The following DLGAP1 variants were observed in gnomAD, a reference collection of about 807,000 sequenced individuals.
The protein encoded by DLGAP1 is DLG associated protein 1, also known as disks large-associated protein 1.
Under a neutral mutation model 90.8 loss-of-function variants are expected in DLGAP1, and 11 were observed. The ratio of observed to expected loss-of-function variants is 0.12; its 90% confidence interval spans 0.08 to 0.20. The LOEUF (loss-of-function observed/expected upper bound fraction) is 0.20. Ranked by LOEUF, DLGAP1 falls within the 10% of genes least tolerant of loss-of-function variation. The pLI is 1.00. For synonymous variants in DLGAP1, 558 were observed against 540.7 expected (o/e 1.03, Z -0.44); for missense variants, 1,050 against 1,333.8 (o/e 0.79, Z 3.31).
intron 1 of DLGAP1, among the ~76,000 whole-genome samples, chr18:4,367,998 TAAGG>T (rs905831650): frequency 2.4e-4 from 37 of 152,276 alleles, no homozygotes; most frequent in African/African-American, 8.7e-4. Flanking sequence ...TTCATTTGTA[TAAGG>T]AAGCATAAAC....
intron 3 of DLGAP1, among the ~76,000 whole-genome samples, chr18:3,911,794 G>A (rs1393202804): frequency 2.0e-5 from 3 of 152,226 alleles, no homozygotes; most frequent in Non-Finnish European, 4.4e-5. Flanking sequence ...CAGCTGGGCT[G>A]CCAAAGATGT....
intron 4 of DLGAP1, among the ~76,000 whole-genome samples, chr18:3,860,101 A>T (rs866040941): frequency 1.4e-5 from 2 of 144,292 alleles, no homozygotes; most frequent in Non-Finnish European, 1.5e-5. Context: ...TCTGTCTCAA[A>T]AAATAAATAA....
chr18:3,956,474 C>G (rs945450374), intron 3 of DLGAP1, among the ~76,000 whole-genome samples: 10 of 152,012 alleles, frequency 6.6e-5, no homozygotes, highest in Middle Eastern at 3.4e-3. Flanking sequence ...TCAGCCTCCC[C>G]AGTAGCTGGG....
chr18:4,085,473 C>A (rs1360349259), intron 2 of DLGAP1, among the ~76,000 whole-genome samples: 1 of 152,194 alleles, frequency 6.6e-6, no homozygotes. Context: ...GAGAAACTTT[C>A]TTTACATTTT....
chr18:3,885,357 A>T (rs924444445), intron 3 of DLGAP1: 6 of 152,226 alleles, frequency 3.9e-5, no homozygotes, highest in African/African-American at 9.7e-5. Flanking sequence ...GCCTACAGTG[A>T]ATCCCTAGTG....
At chr18:3,529,199 CA>C (rs1163631868) in intron 10 of DLGAP1, among the ~76,000 whole-genome samples, 1 of 152,182 alleles carries the variant, frequency 6.6e-6, no homozygotes, top group African/African-American at 2.4e-5. Context: ...GAGTTGGTCA[CA>C]GGGGCAGAGT....
chr18:3,582,037 G>A lies in DLGAP1; in HGVS notation c.1803C>T (p.Ala601=), dbSNP rs562701344. 25 of 1,613,564 alleles carry A rather than the reference G, an allele frequency of 1.5e-5. No homozygotes were observed. Among genetic ancestry groups the A allele is most frequent in the Admixed American group, 1.0e-4 (6 of 59,908 alleles). Residue 601 remains alanine (A), a synonymous_variant, in exon 8 of 13, where the codon GCC becomes GCT. Coordinates refer to ENST00000315677, the MANE Select transcript of DLGAP1 (RefSeq NM_004746.4). The part of the protein sequence containing the change: ...ESLDSMKALT[A]AIEAANAQIH... The stretch of plus-strand genomic sequence containing the variant: ...TCTGGGCGTTTGCAGCTTCGATGGC[G>A]GCTGTCAGAGCCTTCATACTGTCCA...
rs113364003 is a variant in DLGAP1 at position 4,181,972 on chromosome 18, G to T, written c.-266-30685C>A. On this transcript the variant is annotated intron_variant, in intron 1 of 12. Transcript: ENST00000315677. ...GCACTCAATTAAAGAGAAGATGATA[G>T]CGATTTGCAGATCCCCCTGCTCCAG... Among the ~76,000 whole-genome samples, 507 of 152,208 alleles carry T rather than the reference G, an allele frequency of 3.3e-3. 2 individuals are homozygous for T. Among genetic ancestry groups the T allele is most frequent in the African/African-American group, 0.012 (491 of 41,538 alleles).
intron 2 of DLGAP1, among the ~76,000 whole-genome samples, chr18:4,057,531 T>A (rs2075239626): frequency 6.6e-6 from 1 of 152,164 alleles, no homozygotes; most frequent in Non-Finnish European, 1.5e-5. Flanking sequence ...TGTATAAGAC[T>A]CCAAGTCAAA....
chr18:3,919,524 A>G (rs1411783789), intron 3 of DLGAP1, among the ~76,000 whole-genome samples: 1 of 152,208 alleles, frequency 6.6e-6, no homozygotes, highest in Non-Finnish European at 1.5e-5. Context: ...CCATAGTACT[A>G]CTTTAACAAG....
intron 3 of DLGAP1, among the ~76,000 whole-genome samples, chr18:3,973,563 TC>T (rs2073501333): frequency 6.6e-6 from 1 of 152,190 alleles, no homozygotes; most frequent in Non-Finnish European, 1.5e-5. Context: ...TGTGTGAGCA[TC>T]CCCTAGGGAA....
intron 10 of DLGAP1, among the ~76,000 whole-genome samples, chr18:3,528,840 T>C (rs2051812901): frequency 6.6e-6 from 1 of 152,180 alleles, no homozygotes. Flanking sequence ...TTGAAGCTCC[T>C]ATTTCGTGTC....
chr18:4,111,852 G>T (rs2075978416), intron 2 of DLGAP1, among the ~76,000 whole-genome samples: 1 of 151,656 alleles, frequency 6.6e-6, no homozygotes, highest in African/African-American at 2.4e-5. Flanking sequence ...TCTAACTAAA[G>T]GGATGCCAGC....
intron 2 of DLGAP1, among the ~76,000 whole-genome samples, chr18:4,078,696 C>T (rs2075559972): frequency 6.6e-6 from 1 of 152,120 alleles, no homozygotes; most frequent in South Asian, 2.1e-4. Context: ...AGTAACTTTA[C>T]ACGATCTGGA....
chr18:4,198,779 G>A (rs746908392), intron 1 of DLGAP1, among the ~76,000 whole-genome samples: 20 of 152,160 alleles, frequency 1.3e-4, no homozygotes, highest in Non-Finnish European at 2.4e-4. Context: ...CATATCAAAT[G>A]ATGTATTACA....
intron 7 of DLGAP1, 131 bp from the exon 8 acceptor site, chr18:3,582,379 T>G (rs1464323750): frequency 3.5e-6 from 5 of 1,408,596 alleles, no homozygotes; most frequent in Non-Finnish European, 4.7e-6. Context: ...ACAAGTTCCA[T>G]TGACAGGCTG....
At chr18:3,651,847 T>C (rs2059317715) in intron 7 of DLGAP1, among the ~76,000 whole-genome samples, 1 of 151,996 alleles carries the variant, frequency 6.6e-6, no homozygotes. Context: ...GGCGGGCACC[T>C]GTAATCCCAG....
chr18:4,088,767 A>C (rs1206704934), intron 2 of DLGAP1, among the ~76,000 whole-genome samples: 1 of 152,146 alleles, frequency 6.6e-6, no homozygotes, highest in African/African-American at 2.4e-5. Flanking sequence ...TGTTAAAAAA[A>C]CTCTCAATAA....
At chr18:3,599,680 C>T (rs1254265644) in intron 7 of DLGAP1, among the ~76,000 whole-genome samples, 1 of 152,086 alleles carries the variant, frequency 6.6e-6, no homozygotes, top group Admixed American at 6.6e-5. Context: ...AGTGTAGTGG[C>T]GCGATCTCGG....
Sources: allele counts gnomAD v4.1 joint callset (sites outside exome capture counted in the v4.1 genomes callset), GRCh38; gene constraint gnomAD v4.1.1; transcripts MANE v1.5; gene names NCBI Gene and HGNC (gene_info 2026-07-23, HGNC 2026-07-21).